The following PDE7B variants were observed in gnomAD, a reference collection of about 807,000 sequenced individuals.
PDE7B encodes the protein phosphodiesterase 7B.
In PDE7B, 29 loss-of-function variants were observed where a neutral mutation model predicts 56.2. The observed-to-expected ratio is 0.52, with a 90% CI of 0.38 to 0.70. The LOEUF is 0.70. Ranked by LOEUF, PDE7B falls within the 30% of genes least tolerant of loss-of-function variation. The probability of loss-of-function intolerance (pLI) is 0.00; values close to 1 mark genes in which losing one functional copy is unlikely to be tolerated. For missense variants in PDE7B, 490 were observed against 565.0 expected (o/e 0.87, Z 1.35); for synonymous variants, 197 against 196.9 (o/e 1.00, Z 0.00).
chr6:136,111,762 C>T (rs1777752849), intron 3 of PDE7B, among the ~76,000 whole-genome samples: 1 of 152,108 alleles, frequency 6.6e-6, no homozygotes, highest in Non-Finnish European at 1.5e-5. Context: ...TTTCTTTTTA[C>T]CAGCTCATTC....
chr6:135,906,568 C>T (rs970554617), intron 1 of PDE7B, among the ~76,000 whole-genome samples: 3 of 152,118 alleles, frequency 2.0e-5, no homozygotes, highest in African/African-American at 7.2e-5. Context: ...ATGATTATAC[C>T]ATATAAGAGG....
chr6:136,168,535 G>A (rs1050846368), intron 8 of PDE7B, among the ~76,000 whole-genome samples: 12 of 152,136 alleles, frequency 7.9e-5, no homozygotes, highest in Non-Finnish European at 1.6e-4. Context: ...TAGGGAGAAT[G>A]TAAAAAATTT....
chr6:135,959,530 C>T (rs1205597259), intron 2 of PDE7B, among the ~76,000 whole-genome samples: 1 of 152,044 alleles, frequency 6.6e-6, no homozygotes, highest in African/African-American at 2.4e-5. Flanking sequence ...TGAATTACTG[C>T]ATTGTTTATA....
intron 2 of PDE7B, among the ~76,000 whole-genome samples, chr6:136,106,188 C>T (rs1777642606): frequency 6.6e-6 from 1 of 152,220 alleles, no homozygotes; most frequent in Admixed American, 6.5e-5. Context: ...AAAATCTATA[C>T]AGTCTCCTCC....
chr6:135,892,724 G>A (rs1281712131), intron 1 of PDE7B, among the ~76,000 whole-genome samples: 3 of 152,108 alleles, frequency 2.0e-5, no homozygotes, highest in Non-Finnish European at 4.4e-5. Context: ...GGTCAGCATC[G>A]AAGCTCATAT....
intron 1 of PDE7B, among the ~76,000 whole-genome samples, chr6:135,898,226 G>C (rs1005236504): frequency 1.3e-5 from 2 of 152,138 alleles, no homozygotes; most frequent in Non-Finnish European, 2.9e-5. Flanking sequence ...ACTAATTGCA[G>C]ATTGTAGTTT....
chr6:136,144,750 G>T (rs1301277235), intron 3 of PDE7B, among the ~76,000 whole-genome samples: 1 of 152,102 alleles, frequency 6.6e-6, no homozygotes, highest in African/African-American at 2.4e-5. Flanking sequence ...CAGGCTGATT[G>T]TTTTGTGAAG....
Position 136,098,229 on chromosome 6 carries a change from G to A in PDE7B, c.83-10502G>A, listed in dbSNP as rs571103729. On this transcript the variant is annotated intron_variant, in intron 2 of 12. Coordinates refer to ENST00000308191, the MANE Select transcript of PDE7B (RefSeq NM_018945.4). ...AGAGAGAGGAAGAAGGCAAAGAAAG[G>A]AAAGGAAGAAGAGAGAGTAGACTAC... 3.8e-3 allele frequency among the ~76,000 whole-genome samples: 573 copies of A among 150,150 alleles called. 5 individuals are homozygous for A. Among genetic ancestry groups the A allele is most frequent in the African/African-American group, 0.013 (549 of 40,934 alleles).
At chr6:136,118,906 A>G (rs1303724713) in intron 3 of PDE7B, among the ~76,000 whole-genome samples, 1 of 152,162 alleles carries the variant, frequency 6.6e-6, no homozygotes, top group East Asian at 1.9e-4. Context: ...AGATTTTGCA[A>G]TATTTCTACT....
At chr6:135,871,856 A>C (rs1033779487) in intron 1 of PDE7B, among the ~76,000 whole-genome samples, 1 of 152,144 alleles carries the variant, frequency 6.6e-6, no homozygotes, top group Non-Finnish European at 1.5e-5. Context: ...AGTAACTATT[A>C]ACTATTGTTT....
intron 2 of PDE7B, among the ~76,000 whole-genome samples, chr6:136,005,973 A>G (rs1583824124): frequency 6.6e-6 from 1 of 152,060 alleles, no homozygotes; most frequent in Middle Eastern, 3.4e-3. Flanking sequence ...CAACAATGAT[A>G]GACTGGATTA....
intron 2 of PDE7B, among the ~76,000 whole-genome samples, chr6:136,014,332 TA>T (rs1372072049): frequency 6.6e-6 from 1 of 152,238 alleles, no homozygotes. Flanking sequence ...TCTATGAAGA[TA>T]TTTTTTAACA....
intron 2 of PDE7B, among the ~76,000 whole-genome samples, chr6:136,051,106 TATAAA>T (rs1776618641): frequency 6.7e-6 from 1 of 150,196 alleles, no homozygotes; most frequent in Admixed American, 6.7e-5. Context: ...TTTTGTTTCT[TATAAA>T]GAAATGACAG....
chr6:136,178,864 T>C, intron 9 of PDE7B, 133 bp from the exon 10 acceptor site: 1 of 927,428 alleles, frequency 1.1e-6, no homozygotes, highest in South Asian at 1.6e-5. Flanking sequence ...AGTGAAGGAC[T>C]GGCACATTGT....
At chr6:136,015,932 A>G (rs1775970144) in intron 2 of PDE7B, among the ~76,000 whole-genome samples, 1 of 152,238 alleles carries the variant, frequency 6.6e-6, no homozygotes, top group Non-Finnish European at 1.5e-5. Flanking sequence ...TGTCAAACAG[A>G]ATAAAATGAA....
chr6:136,018,838 T>C lies in PDE7B; in HGVS notation c.82+71314T>C, dbSNP rs554094767. 2.6e-5 allele frequency among the ~76,000 whole-genome samples: 4 copies of C among 152,158 alleles called. No individual in the cohort carries two copies. The South Asian group carries it at 8.3e-4, about 32-fold the overall frequency. ...TGTGTGTCAAAAGCCAAATCCTTATTTCAAGAAACTTTGGTGATCTTGCTT... is the reference window on the plus strand; with the variant it reads ...TGTGTGTCAAAAGCCAAATCCTTATCTCAAGAAACTTTGGTGATCTTGCTT... On this transcript the variant is annotated intron_variant, in intron 2 of 12. Transcript: ENST00000308191.
intron 12 of PDE7B, among the ~76,000 whole-genome samples, chr6:136,190,673 C>G (rs545933188): frequency 5.3e-5 from 8 of 152,216 alleles, no homozygotes; most frequent in Non-Finnish European, 1.2e-4. Context: ...ATGAAAAGCA[C>G]ATTAACGCGG....
intron 1 of PDE7B, among the ~76,000 whole-genome samples, chr6:135,869,797 G>A (rs948782810): frequency 1.1e-4 from 17 of 152,296 alleles, no homozygotes; most frequent in African/African-American, 2.9e-4. Context: ...GAGTGATCCC[G>A]GCAGAGGAGA....
At chr6:135,865,639 G>A (rs1339665035) in intron 1 of PDE7B, among the ~76,000 whole-genome samples, 2 of 149,056 alleles carry the variant, frequency 1.3e-5, no homozygotes, top group African/African-American at 2.5e-5. Flanking sequence ...GTGTGTGTGT[G>A]TGTGTGTGTG....
Sources: allele counts gnomAD v4.1 joint callset (sites outside exome capture counted in the v4.1 genomes callset), GRCh38; gene constraint gnomAD v4.1.1; transcripts MANE v1.5; gene names NCBI Gene and HGNC (gene_info 2026-07-23, HGNC 2026-07-21).